The following CLEC16A variants were observed in gnomAD, a reference collection of about 807,000 sequenced individuals.
CLEC16A encodes the protein C-type lectin domain containing 16A, also known as protein CLEC16A.
In CLEC16A, 51 loss-of-function variants were observed where a neutral mutation model predicts 109.5. The ratio of observed to expected loss-of-function variants is 0.47; its 90% CI spans 0.37 to 0.59. The LOEUF (loss-of-function observed/expected upper bound fraction) is 0.59, where lower values mean the gene tolerates loss of function less well. Among genes scored for constraint, CLEC16A ranks in the 20% least tolerant of loss-of-function variants. CLEC16A has a pLI of 0.00. For synonymous variants in CLEC16A, 673 were observed against 564.2 expected, an observed-to-expected ratio of 1.19 and a Z score of -2.73; for missense variants, 1,339 against 1,394.0, an observed-to-expected ratio of 0.96 and a Z score of 0.63.
chr16:10,949,138 G>A (rs777060532), intron 1 of CLEC16A, among the ~76,000 whole-genome samples: 11 of 152,168 alleles, frequency 7.2e-5, no homozygotes, highest in South Asian at 2.1e-4. Context: ...CAAAGAAGGC[G>A]GAGAATGGAT....
At position 11,098,334 on chromosome 16, in the gene CLEC16A, C is replaced by T. The variant is rs139349430; in HGVS notation, c.2117-22281C>T. Among the ~76,000 whole-genome samples, 34 of 152,296 alleles carry T rather than the reference C, an allele frequency of 2.2e-4. No individual in the cohort carries two copies. In the East Asian group the frequency reaches 5.0e-3, roughly 23 times the overall value. On this transcript the variant is annotated intron_variant, in intron 19 of 23. Coordinates refer to ENST00000409790, the MANE Select transcript of CLEC16A (RefSeq NM_015226.3). ...ACTGAGAATGCGTGCCTGTGCACGCCGAGGATGCAGAAAGGGACAGGGGAC... is the reference window on the plus strand; with the variant it reads ...ACTGAGAATGCGTGCCTGTGCACGCTGAGGATGCAGAAAGGGACAGGGGAC...
intron 10 of CLEC16A, among the ~76,000 whole-genome samples, chr16:10,985,130 G>A (rs1182147397): frequency 1.3e-5 from 2 of 150,438 alleles, no homozygotes; most frequent in African/African-American, 4.9e-5. Context: ...GTGAACCCAG[G>A]AGGCGGAGCT....
At chr16:11,130,674 C>T (rs752775841) in intron 22 of CLEC16A, among the ~76,000 whole-genome samples, 3 of 152,184 alleles carry the variant, frequency 2.0e-5, no homozygotes, top group Non-Finnish European at 4.4e-5. Flanking sequence ...CCCGTGGGTG[C>T]TGGGGCGTGA....
At chr16:10,972,702 G>T in intron 6 of CLEC16A, 143 bp downstream of exon 6, 1 of 856,534 alleles carries the variant, frequency 1.2e-6, no homozygotes, top group South Asian at 1.7e-5. Flanking sequence ...TTAATGTTTA[G>T]CCCAACTAAT....
At chr16:10,955,018 C>G (rs1411643988) in intron 1 of CLEC16A, among the ~76,000 whole-genome samples, 1 of 152,236 alleles carries the variant, frequency 6.6e-6, no homozygotes, top group African/African-American at 2.4e-5. Flanking sequence ...CGTTGCCTCT[C>G]TGGAACAACC....
intron 13 of CLEC16A, among the ~76,000 whole-genome samples, chr16:11,029,527 C>G (rs2046617243): frequency 1.3e-5 from 2 of 149,842 alleles, no homozygotes; most frequent in Non-Finnish European, 3.0e-5. Context: ...GGCCCGGATA[C>G]TCTCACTGGA....
chr16:10,978,519 G>T (rs1271233814), intron 8 of CLEC16A, among the ~76,000 whole-genome samples: 1 of 152,222 alleles, frequency 6.6e-6, no homozygotes, highest in Non-Finnish European at 1.5e-5. Context: ...TGATACGCCT[G>T]CCTCGGCCTC....
At chr16:10,962,731 T>C (rs1235221377) in intron 3 of CLEC16A, 143 bp downstream of exon 3, 3 of 924,392 alleles carry the variant, frequency 3.2e-6, no homozygotes, top group Non-Finnish European at 4.9e-6. Flanking sequence ...GGTTAAACAA[T>C]AGAGATTTGT....
intron 19 of CLEC16A, among the ~76,000 whole-genome samples, chr16:11,063,363 G>T (rs7189396): frequency 6.7e-6 from 1 of 148,430 alleles, no homozygotes; most frequent in African/African-American, 2.5e-5. Flanking sequence ...AATCACCCTA[G>T]TGTGCAATCT....
At chr16:11,031,373 C>T (rs539458259) in intron 13 of CLEC16A, among the ~76,000 whole-genome samples, 101 of 152,270 alleles carry the variant, frequency 6.6e-4, no homozygotes, top group African/African-American at 2.4e-3. Flanking sequence ...GCAGCCCTGA[C>T]CTGTACGGGG....
At chr16:11,023,036 A>AGT (rs2046209789) in intron 12 of CLEC16A, among the ~76,000 whole-genome samples, 1 of 150,454 alleles carries the variant, frequency 6.6e-6, no homozygotes, top group African/African-American at 2.4e-5. Flanking sequence ...AAAGGGGGAA[A>AGT]AAGTCTTCAC....
chr16:11,094,941 T>C (rs2050520264), intron 19 of CLEC16A, among the ~76,000 whole-genome samples: 1 of 152,240 alleles, frequency 6.6e-6, no homozygotes, highest in Non-Finnish European at 1.5e-5. Context: ...GATAAAGCAC[T>C]TAACCTTTTG....
intron 13 of CLEC16A, among the ~76,000 whole-genome samples, chr16:11,033,807 G>T (rs1489219261): frequency 1.3e-5 from 2 of 152,224 alleles, no homozygotes; most frequent in African/African-American, 2.4e-5. Context: ...GGAAAGGGTT[G>T]ACCGGTTGGC....
intron 19 of CLEC16A, among the ~76,000 whole-genome samples, chr16:11,062,331 TC>T (rs2048526820): frequency 6.6e-6 from 1 of 152,024 alleles, no homozygotes; most frequent in African/African-American, 2.4e-5. Flanking sequence ...ACAAAAAAAC[TC>T]CCCAAGGGTT....
intron 1 of CLEC16A, among the ~76,000 whole-genome samples, chr16:10,945,292 T>C (rs2041297285): frequency 6.6e-6 from 1 of 152,184 alleles, no homozygotes; most frequent in South Asian, 2.1e-4. Flanking sequence ...GATAAGAGAA[T>C]GAACGTTAAG....
chr16:11,025,904 A>G (rs1408055472), intron 13 of CLEC16A, among the ~76,000 whole-genome samples: 1 of 152,216 alleles, frequency 6.6e-6, no homozygotes, highest in Non-Finnish European at 1.5e-5. Flanking sequence ...AAAGATAGCC[A>G]AACAAACCCA....
At chr16:11,137,912 T>C (rs1018637348) in intron 22 of CLEC16A, among the ~76,000 whole-genome samples, 1 of 152,142 alleles carries the variant, frequency 6.6e-6, no homozygotes, top group Non-Finnish European at 1.5e-5. Flanking sequence ...ACCAACTGAA[T>C]CAAAAGGCAG....
rs375190355 is a variant in CLEC16A at position 11,174,989 on chromosome 16, T to C, written c.2807-3346T>C. On this transcript the variant is annotated intron_variant, in intron 23 of 23. Coordinates refer to ENST00000409790, the MANE Select transcript of CLEC16A (RefSeq NM_015226.3). The surrounding 1 kb of genome is among the most constrained non-coding windows in gnomAD (Gnocchi z 4.7). ...TGATGCGCTTTTCTCCATTGGCCGT[T>C]GCGCTTGTCTGCTGGGAGCCTTTGC... Among the ~76,000 whole-genome samples, 15 of 152,382 alleles carry C rather than the reference T, an allele frequency of 9.8e-5. No homozygotes were observed. Among genetic ancestry groups the C allele is most frequent in the African/African-American group, 3.6e-4 (15 of 41,582 alleles).
chr16:10,975,490 A>G (rs187793709), intron 7 of CLEC16A, among the ~76,000 whole-genome samples: 19 of 152,316 alleles, frequency 1.2e-4, no homozygotes, highest in African/African-American at 4.3e-4. Flanking sequence ...TAAATATACC[A>G]TTAGAGAAAA....
Sources: allele counts gnomAD v4.1 joint callset (sites outside exome capture counted in the v4.1 genomes callset), GRCh38; gene constraint gnomAD v4.1.1; non-coding constraint Gnocchi (gnomAD v3.1); transcripts MANE v1.5; gene names NCBI Gene and HGNC (gene_info 2026-07-23, HGNC 2026-07-21).